The following AP2A2 variants were observed in gnomAD, a reference collection of about 807,000 sequenced individuals.
AP2A2 encodes the protein AP-2 complex subunit alpha-2.
In AP2A2, 32 loss-of-function variants were observed where a neutral mutation model predicts 104.2. The observed-to-expected ratio is 0.31, with a 90% CI of 0.23 to 0.41. The LOEUF is 0.41. Ranked by LOEUF, AP2A2 falls within the 10% of genes least tolerant of loss-of-function variation. The pLI is 1.00. For synonymous variants in AP2A2, 539 were observed against 533.3 expected (o/e 1.01, Z -0.15); for missense variants, 912 against 1,261.0 (o/e 0.72, Z 4.19).
intron 16 of AP2A2, among the ~76,000 whole-genome samples, chr11:1,005,620 C>T (rs1249059132): frequency 1.3e-5 from 2 of 152,206 alleles, no homozygotes; most frequent in South Asian, 4.1e-4. Flanking sequence ...CTGCCTTGAG[C>T]CTCCTCAGGA....
At chr11:991,784 C>T (rs1280603443) in intron 10 of AP2A2, among the ~76,000 whole-genome samples, 5 of 150,580 alleles carry the variant, frequency 3.3e-5, no homozygotes, top group South Asian at 2.1e-4. Context: ...TGGGGAGGGG[C>T]GGCAGGGTAT....
At chr11:981,326 G>A (rs1325544247) in intron 6 of AP2A2, 27 bp downstream of exon 6, 1 of 1,526,776 alleles carries the variant, frequency 6.5e-7, no homozygotes, top group African/African-American at 1.4e-5. Context: ...GGGAGCAGAA[G>A]TCAGGGTGGG....
chr11:958,527 CTA>C (rs1385012846), intron 1 of AP2A2, among the ~76,000 whole-genome samples: 1 of 152,128 alleles, frequency 6.6e-6, no homozygotes, highest in Non-Finnish European at 1.5e-5. Flanking sequence ...AAAAGAAAGA[CTA>C]TTTTAAATGA....
At chr11:959,000 A>G (rs1262719711) in intron 1 of AP2A2, among the ~76,000 whole-genome samples, 4 of 152,260 alleles carry the variant, frequency 2.6e-5, no homozygotes, top group Non-Finnish European at 5.9e-5. Context: ...GAAAGCCTAT[A>G]GTAGTAAAAC....
intron 4 of AP2A2, 117 bp from the exon 5 acceptor site, chr11:976,978 T>G: frequency 7.0e-7 from 1 of 1,435,520 alleles, no homozygotes; most frequent in Non-Finnish European, 9.4e-7. Flanking sequence ...CTGAGTGCTG[T>G]CTTGGCCCCT....
chr11:988,215 G>A (rs1243990148), intron 9 of AP2A2, among the ~76,000 whole-genome samples: 1 of 152,222 alleles, frequency 6.6e-6, no homozygotes, highest in Non-Finnish European at 1.5e-5. Flanking sequence ...GCATGGAAGG[G>A]AGTCCTTGAT....
At position 1,005,205 on chromosome 11, in the gene AP2A2, A is replaced by T. The variant is rs184760340; in HGVS notation, c.2207-1323A>T. Reference sequence around the variant, plus strand: ...CTGATGCATAAAGCAGCACACATGCACCTTGAGGACATGGTGCTCAGTGAC... The same window carrying T: ...CTGATGCATAAAGCAGCACACATGCTCCTTGAGGACATGGTGCTCAGTGAC... On this transcript the variant is annotated intron_variant, in intron 16 of 21. Transcript: ENST00000448903. Among the ~76,000 whole-genome samples the T allele has an allele frequency of 5.6e-4, 86 of 152,374 alleles. 1 individual carries two copies. Among genetic ancestry groups the T allele is most frequent in the Admixed American group, 4.2e-3 (65 of 15,312 alleles).
intron 1 of AP2A2, among the ~76,000 whole-genome samples, chr11:956,355 G>A (rs1490917901): frequency 6.6e-6 from 1 of 152,090 alleles, no homozygotes; most frequent in African/African-American, 2.4e-5. Flanking sequence ...TAGAGACGGG[G>A]TTTCGCCACG....
intron 2 of AP2A2, among the ~76,000 whole-genome samples, chr11:963,379 T>C (rs1242036498): frequency 6.6e-6 from 1 of 151,952 alleles, no homozygotes; most frequent in Non-Finnish European, 1.5e-5. Context: ...TGAGCCGAGA[T>C]CGTGCCAGTG....
chr11:972,419 G>C (rs1206176872), intron 4 of AP2A2, among the ~76,000 whole-genome samples, 164 bp downstream of exon 4: 1 of 152,240 alleles, frequency 6.6e-6, no homozygotes, highest in East Asian at 1.9e-4. Context: ...TTTAGGCCGG[G>C]CACGGTGGCT....
chr11:926,250 C>G (rs1419742341), intron 1 of AP2A2, among the ~76,000 whole-genome samples, 162 bp downstream of exon 1: 2 of 40,900 alleles, frequency 4.9e-5, no homozygotes, highest in Non-Finnish European at 9.2e-5. Flanking sequence ...CTTGGGGTAC[C>G]GGGTCTGGGG....
intron 17 of AP2A2, 88 bp from the exon 18 acceptor site, chr11:1,007,924 C>T: frequency 1.3e-6 from 2 of 1,541,140 alleles, no homozygotes; most frequent in African/African-American, 1.4e-5. Flanking sequence ...AGTGTGCTCG[C>T]CTCCACGGGT....
intron 1 of AP2A2, among the ~76,000 whole-genome samples, chr11:935,231 T>A (rs533630270): frequency 8.0e-4 from 121 of 151,770 alleles, no homozygotes; most frequent in African/African-American, 2.8e-3. Context: ...AATTTTTGTA[T>A]TTTTTTTAGT....
At position 993,940 on chromosome 11, in the gene AP2A2, T is replaced by C. The variant is rs759181627; in HGVS notation, c.1737T>C (p.Ala579=). ...CAGACGTGGAGCTGCAGCAGCGTGC[T>C]GTGGAGTACCTGCGGCTCAGCACCG... ...RNADVELQQR[A]VEYLRLSTVA... Residue 579 remains alanine (A), a synonymous_variant, in exon 13 of 22, where the codon GCT becomes GCC. Transcript: ENST00000448903. The surrounding 1 kb of genome is among the most constrained non-coding windows in gnomAD (Gnocchi z 8.2). 2 of 1,612,466 alleles carry C rather than the reference T, an allele frequency of 1.2e-6. No individual in the cohort carries two copies. Among genetic ancestry groups the C allele is most frequent in the East Asian group, 2.2e-5 (1 of 44,888 alleles).
At position 988,632 on chromosome 11, in the gene AP2A2, C is replaced by A; in HGVS notation, c.1212C>A (p.Ile404=). The A allele has an allele frequency of 6.2e-7, 1 of 1,613,666 alleles. No homozygotes were observed. The highest frequency in any genetic ancestry group is 8.5e-7 in the Non-Finnish European group (1 of 1,179,880). ...GCGACCGCAGCAACGCCCCACAGAT[C>A]GTGGCCGAGATGCTGAGCTATCTGG... The part of the protein sequence containing the change: ...AMCDRSNAPQ[I]VAEMLSYLET... The change falls in exon 10 of 22, where the codon ATC becomes ATA. Residue 404 remains isoleucine, a synonymous_variant. Coordinates refer to ENST00000448903, the MANE Select transcript of AP2A2 (RefSeq NM_012305.4).
intron 15 of AP2A2, 42 bp downstream of exon 15, chr11:1,000,640 C>T (rs774740159): frequency 1.1e-5 from 17 of 1,517,764 alleles, no homozygotes; most frequent in Non-Finnish European, 1.5e-5. Context: ...CACGGGGCTG[C>T]CGTGCCCCCT....
At chr11:988,471 C>T (rs536770387) in intron 9 of AP2A2, 81 bp from the exon 10 acceptor site, 152 of 1,527,226 alleles carry the variant, frequency 1.0e-4, no homozygotes, top group Middle Eastern at 4.4e-4. Flanking sequence ...TGTTGAGATG[C>T]GGGTGCCGAG....
chr11:954,054 T>TG (rs1854148518), intron 1 of AP2A2, among the ~76,000 whole-genome samples: 1 of 152,058 alleles, frequency 6.6e-6, no homozygotes, highest in South Asian at 2.1e-4. Flanking sequence ...AGGCTGGTCT[T>TG]GAACTCCTGA....
chr11:994,245 G>A lies in AP2A2; in HGVS notation c.1956G>A (p.Val652=). 1 of 1,612,738 alleles carries A rather than the reference G, an allele frequency of 6.2e-7. No homozygotes were observed. Among genetic ancestry groups the A allele is most frequent in the Non-Finnish European group, 8.5e-7 (1 of 1,179,710 alleles). The change falls in exon 14 of 22, where the codon GTG becomes GTA. Residue 652 remains valine (V), a splice_region_variant and synonymous_variant. Coordinates refer to ENST00000448903, the MANE Select transcript of AP2A2 (RefSeq NM_012305.4). ...CTGCCCCAGCCAGTACCAGCGCCGT[G>A]GTGGGTCCCTCACCTACTGTGCACC... ...PEPAPASTSA[V]STPSPSADLL... is the part of the protein sequence containing the mutation.
Sources: allele counts gnomAD v4.1 joint callset (sites outside exome capture counted in the v4.1 genomes callset), GRCh38; gene constraint gnomAD v4.1.1; non-coding constraint Gnocchi (gnomAD v3.1); transcripts MANE v1.5; gene names NCBI Gene and HGNC (gene_info 2026-07-23, HGNC 2026-07-21).